Variants in DUSP29 observed in about 807,000 individuals in gnomAD.
The protein encoded by DUSP29 is dual specificity phosphatase 29, also known as atypical dual-specific protein phosphatase.
A neutral mutation model predicts 13.5 loss-of-function variants in DUSP29; 12 were observed. That is an observed-to-expected ratio of 0.89 (90% confidence interval 0.57 to 1.44). The LOEUF (loss-of-function observed/expected upper bound fraction) is 1.44, where lower values mean the gene tolerates loss of function less well. Ranked by LOEUF, DUSP29 falls within the 40% of genes most tolerant of loss-of-function variation. DUSP29 has a pLI of 0.00. For missense variants in DUSP29, 308 were observed against 301.1 expected (o/e 1.02, Z -0.17); for synonymous variants, 134 against 128.7 (o/e 1.04, Z -0.28).
chr10:75,047,859 A>G (rs1846738066), intron 2 of DUSP29, among the ~76,000 whole-genome samples: 1 of 152,088 alleles, frequency 6.6e-6, no homozygotes, highest in Admixed American at 6.6e-5. Context: ...TGATGTAAGA[A>G]CCTCCCATTG....
At chr10:75,066,946 T>G (rs1250686113) in intron 1 of DUSP29, among the ~76,000 whole-genome samples, 1 of 137,282 alleles carries the variant, frequency 7.3e-6, no homozygotes, top group Non-Finnish European at 1.5e-5. Flanking sequence ...CTTTTTTCTT[T>G]TTTTTCTTTT....
At chr10:75,070,087 A>T (rs1377817620) in intron 1 of DUSP29, among the ~76,000 whole-genome samples, 694 of 36,840 alleles carry the variant, frequency 0.019, 34 homozygotes, top group African/African-American at 0.09. Context: ...GGAAGGAAGG[A>T]AGGAAGGAAG....
chr10:75,038,843 G>T (rs1846526496), intron 3 of DUSP29, among the ~76,000 whole-genome samples: 1 of 152,202 alleles, frequency 6.6e-6, no homozygotes, highest in Admixed American at 6.5e-5. Flanking sequence ...ATGAGGCCGG[G>T]CGCGGTGGCT....
intron 1 of DUSP29, among the ~76,000 whole-genome samples, chr10:75,060,468 T>TA (rs56741186): frequency 0.1 from 13,000 of 124,282 alleles, 678 homozygotes; most frequent in South Asian, 0.17. Flanking sequence ...TGAGACCTTA[T>TA]AAAAAAAAAA....
intron 2 of DUSP29, among the ~76,000 whole-genome samples, chr10:75,050,008 C>T (rs1846792810): frequency 3.3e-5 from 5 of 152,208 alleles, no homozygotes; most frequent in Admixed American, 3.3e-4. Flanking sequence ...AGGGCCCGCA[C>T]CATTCCATGA....
chr10:75,048,920 G>A (rs565601519), intron 2 of DUSP29, among the ~76,000 whole-genome samples: 5 of 152,256 alleles, frequency 3.3e-5, no homozygotes, highest in Admixed American at 6.5e-5. Flanking sequence ...GGGAGCCTCC[G>A]TTTTCTTTGT....
chr10:75,060,234 C>G (rs1373509095), intron 1 of DUSP29, among the ~76,000 whole-genome samples: 1 of 152,156 alleles, frequency 6.6e-6, no homozygotes, highest in African/African-American at 2.4e-5. Flanking sequence ...CTCTGGGAGG[C>G]TGAGGTGGGC....
In DUSP29 at chr10:75,058,528, G is replaced by A. The variant is rs767316831; in HGVS notation, c.-14C>T. The A allele has an allele frequency of 2.5e-6, 4 of 1,613,624 alleles. No individual in the cohort carries two copies. Among genetic ancestry groups the A allele is most frequent in the Non-Finnish European group, 3.4e-6 (4 of 1,179,978 alleles). ...TCCAGATGTCATTTTAGAGCCAAGGGATTTTCTCTCCTTTCTGCAGCTGGT... is the reference window on the plus strand; with the variant it reads ...TCCAGATGTCATTTTAGAGCCAAGGAATTTTCTCTCCTTTCTGCAGCTGGT... On this transcript the variant is annotated 5_prime_UTR_variant, in exon 2 of 4. Coordinates refer to ENST00000338487, the MANE Select transcript of DUSP29 (RefSeq NM_001003892.3).
intron 1 of DUSP29, among the ~76,000 whole-genome samples, chr10:75,062,357 C>A (rs1239215762): frequency 6.6e-6 from 1 of 152,184 alleles, no homozygotes; most frequent in African/African-American, 2.4e-5. Flanking sequence ...AGAGTCAATT[C>A]CGTTCTGAAA....
rs879440427 is a variant in DUSP29, at chr10:75,037,856, C to T, written c.643G>A (p.Glu215Lys). 2.0e-5 allele frequency: 32 copies of T among 1,608,368 alleles called. No homozygotes were observed. The East Asian group carries it at 7.1e-4, about 36-fold the overall frequency. The change falls in exon 4 of 4, where the codon GAG becomes AAG. Residue 215 changes from glutamate to lysine, a missense_variant. Glu to Lys is a moderately conservative substitution (Grantham distance 56). Transcript: ENST00000338487. ...RRSQRQDGEE[E>K]DGREL ...CGGGCCTACAGCTCCCTGCCATCCT[C>T]CTCCTCACCGTCCTGGCGCTGGGAC... is the stretch of plus-strand genomic sequence containing the variant.
intron 3 of DUSP29, 84 bp from the exon 4 acceptor site, chr10:75,038,161 TCACCCTCTCGCCCA>T (rs1485286554): frequency 1.9e-5 from 29 of 1,515,870 alleles, no homozygotes; most frequent in Non-Finnish European, 2.6e-5. Context: ...ATCCTGACTG[TCACCCTCTCGCCCA>T]CAGAAAGTGA....
At chr10:75,059,883 G>A (rs781653560) in intron 1 of DUSP29, among the ~76,000 whole-genome samples, 23 of 152,208 alleles carry the variant, frequency 1.5e-4, no homozygotes, top group Non-Finnish European at 2.9e-4. Context: ...TGAAGGCCAG[G>A]CGCGGTGGCT....
chr10:75,050,545 G>A (rs573768100), intron 2 of DUSP29, among the ~76,000 whole-genome samples: 13 of 152,352 alleles, frequency 8.5e-5, no homozygotes, highest in African/African-American at 1.4e-4. Context: ...GGGAACCTTC[G>A]AAATCATCCT....
intron 1 of DUSP29, among the ~76,000 whole-genome samples, chr10:75,072,771 G>A (rs771236634): frequency 3.1e-4 from 47 of 151,938 alleles, no homozygotes; most frequent in Non-Finnish European, 6.3e-4. Flanking sequence ...AACGATCAGA[G>A]CCCCCGGGCC....
At position 75,043,145 on chromosome 10, in the gene DUSP29, A is replaced by G. The variant is rs141952935; in HGVS notation, c.421+652T>C. Among the ~76,000 whole-genome samples, 1,099 of 152,332 alleles carry G rather than the reference A, an allele frequency of 7.2e-3. 9 individuals are homozygous for G. Among genetic ancestry groups the G allele is most frequent in the Middle Eastern group, 0.02 (6 of 294 alleles). On this transcript the variant is annotated intron_variant, in intron 3 of 3. Transcript: ENST00000338487. Reference sequence around the variant, plus strand: ...GGTGCAAAACCCAAATTATACCTCAAATACAGCGTGCCAGTAAAGCCCAGC... The same window carrying G: ...GGTGCAAAACCCAAATTATACCTCAGATACAGCGTGCCAGTAAAGCCCAGC...
At position 75,043,827 on chromosome 10, in the gene DUSP29, A is replaced by G; in HGVS notation, c.391T>C (p.Phe131Leu). 1 of 1,613,736 alleles carries G rather than the reference A, an allele frequency of 6.2e-7. No homozygotes were observed. Among genetic ancestry groups the G allele is most frequent in the Non-Finnish European group, 8.5e-7 (1 of 1,179,892 alleles). ...LSVFFYPAAA[F>L]IDRALSDDHS... is the part of the protein sequence containing the mutation. ...TCGTCGCTTAGCGCTCTGTCGATGA[A>G]GGCTGCCGCCGGGTAGAAGAAGACA... is the stretch of plus-strand genomic sequence containing the variant. Residue 131 changes from phenylalanine (F) to leucine (L), a missense_variant, in exon 3 of 4, where the codon TTC (phenylalanine) becomes CTC (leucine). Coordinates refer to ENST00000338487, the MANE Select transcript of DUSP29 (RefSeq NM_001003892.3).
At chr10:75,039,261 G>A (rs988257712) in intron 3 of DUSP29, among the ~76,000 whole-genome samples, 1 of 152,184 alleles carries the variant, frequency 6.6e-6, no homozygotes, top group African/African-American at 2.4e-5. Context: ...AGCAGCTAGT[G>A]CATACCTATG....
rs202012280 is a variant in DUSP29, at chr10:75,054,478, G to T, written c.200+3837C>A. Among the ~76,000 whole-genome samples the T allele has an allele frequency of 2.6e-5, 4 of 152,248 alleles. No homozygotes were observed. The East Asian group carries it at 7.7e-4, about 29-fold the overall frequency. On this transcript the variant is annotated intron_variant, in intron 2 of 3. Transcript: ENST00000338487. ...GTAATAAAAGAAAATGTTTATGAAT[G>T]ATGCTATGTGAGAAATAAGAGAAAA...
At chr10:75,069,845 C>A (rs753645091) in intron 1 of DUSP29, among the ~76,000 whole-genome samples, 11 of 151,110 alleles carry the variant, frequency 7.3e-5, no homozygotes, top group Non-Finnish European at 1.5e-4. Flanking sequence ...AGTTTGAGAC[C>A]AGTCTGGCCA....
Sources: allele counts gnomAD v4.1 joint callset (sites outside exome capture counted in the v4.1 genomes callset), GRCh38; gene constraint gnomAD v4.1.1; transcripts MANE v1.5; gene names NCBI Gene and HGNC (gene_info 2026-07-23, HGNC 2026-07-21).